SYCE1L: variants seen among roughly 807,000 people sequenced by gnomAD.
SYCE1L encodes the protein synaptonemal complex central element protein 1-like.
Under a neutral mutation model 39.6 loss-of-function variants are expected in SYCE1L, and 51 were observed. That is an observed-to-expected ratio of 1.29 (90% CI 1.03 to 1.63). SYCE1L has a LOEUF of 1.63. SYCE1L is among the 40% of genes most tolerant of loss of function. The probability of loss-of-function intolerance (pLI) is 0.00; values close to 1 mark genes in which losing one functional copy is unlikely to be tolerated. For synonymous variants in SYCE1L, 147 were observed against 122.4 expected, an observed-to-expected ratio of 1.20 and a Z score of -1.33; for missense variants, 426 against 304.9, an observed-to-expected ratio of 1.40 and a Z score of -2.96.
intron 1 of SYCE1L, among the ~76,000 whole-genome samples, chr16:77,203,509 C>A (rs182960341): frequency 1.6e-3 from 239 of 150,776 alleles, no homozygotes; most frequent in Admixed American, 3.0e-3. Flanking sequence ...CCCTGATTTA[C>A]AACATGGATT....
At position 77,206,424 on chromosome 16, in the gene SYCE1L, G is replaced by C. The variant is rs1376347518; in HGVS notation, c.62-17G>C. ...CACTCTCGCTGTGTCCTGTAATTTTGATTTTCCTTTCTACAGGGCAAGCCA... is the reference window on the plus strand; with the variant it reads ...CACTCTCGCTGTGTCCTGTAATTTTCATTTTCCTTTCTACAGGGCAAGCCA... On this transcript the variant is annotated splice_polypyrimidine_tract_variant and intron_variant, in intron 1 of 10. Coordinates refer to ENST00000378644, the MANE Select transcript of SYCE1L (RefSeq NM_001129979.3). 1.9e-6 allele frequency: 3 copies of C among 1,550,860 alleles called. No individual in the cohort carries two copies. In the East Asian group the frequency reaches 7.3e-5, roughly 38 times the overall value.
intron 6 of SYCE1L, 50 bp from the exon 7 acceptor site, chr16:77,211,163 G>A (rs907880501): frequency 3.2e-6 from 5 of 1,545,456 alleles, no homozygotes; most frequent in South Asian, 1.2e-5. Flanking sequence ...GCCCCCAACA[G>A]GGTGTCAGGC....
chr16:77,201,646 G>A (rs539265570), intron 1 of SYCE1L: 1 of 152,132 alleles, frequency 6.6e-6, no homozygotes, highest in Non-Finnish European at 1.5e-5. Context: ...ACCAGGAATG[G>A]TCACTGGAGT....
intron 1 of SYCE1L, chr16:77,200,291 T>TATATATATATATATGTATATATATAC: frequency 9.0e-6 from 1 of 111,438 alleles, no homozygotes; most frequent in Non-Finnish European, 1.9e-5. Flanking sequence ...TATATATATA[T>TATATATATATATATGTATATATATAC]ACACACACTA....
In SYCE1L at chr16:77,206,453, C is replaced by A; in HGVS notation, c.74C>A (p.Ser25Tyr). The change falls in exon 2 of 11, where the codon TCT becomes TAT. Residue 25 changes from serine (S) to tyrosine (Y), a missense_variant. Physicochemically the swap from Ser to Tyr is moderately radical, Grantham distance 144. Coordinates refer to ENST00000378644, the MANE Select transcript of SYCE1L (RefSeq NM_001129979.3). ...ATEEAEGQAK[S>Y]LKTEDLLAMV... ...TTCCTTTCTACAGGGCAAGCCAAGT[C>A]TTTGAAGACTGAAGACTTGCTGGCA... 1 of 1,551,668 alleles carries A rather than the reference C, an allele frequency of 6.4e-7. No individual in the cohort carries two copies. The highest frequency in any genetic ancestry group is 8.7e-7 in the Non-Finnish European group (1 of 1,146,990).
chr16:77,212,421 G>A (rs2054830989), intron 9 of SYCE1L, 52 bp downstream of exon 9: 2 of 1,530,586 alleles, frequency 1.3e-6, no homozygotes, highest in Non-Finnish European at 1.8e-6. Context: ...GGGCGGAGGG[G>A]AACCCGCCCA....
chr16:77,206,435 C>T lies in SYCE1L; in HGVS notation c.62-6C>T, dbSNP rs779692976. Reference sequence around the variant, plus strand: ...TGTCCTGTAATTTTGATTTTCCTTTCTACAGGGCAAGCCAAGTCTTTGAAG... The same window carrying T: ...TGTCCTGTAATTTTGATTTTCCTTTTTACAGGGCAAGCCAAGTCTTTGAAG... On this transcript the variant is annotated splice_polypyrimidine_tract_variant and splice_region_variant and intron_variant, in intron 1 of 10. Transcript: ENST00000378644. 2 of 1,551,450 alleles carry T rather than the reference C, an allele frequency of 1.3e-6. No homozygotes were observed. The highest frequency in any genetic ancestry group is 2.4e-5 in the South Asian group (2 of 84,030).
chr16:77,199,645 A>G, intron 1 of SYCE1L, 133 bp downstream of exon 1: 1 of 763,642 alleles, frequency 1.3e-6, no homozygotes, highest in South Asian at 2.0e-5. Flanking sequence ...TTTGTTATTG[A>G]AGAAAAACAA....
intron 2 of SYCE1L, among the ~76,000 whole-genome samples, chr16:77,207,735 C>G (rs752446859): frequency 5.9e-5 from 9 of 152,158 alleles, no homozygotes; most frequent in Non-Finnish European, 1.2e-4. Flanking sequence ...CTCACTAGAC[C>G]TGAGCCACAC....
chr16:77,206,903 G>A (rs1188408133), intron 2 of SYCE1L, among the ~76,000 whole-genome samples: 9 of 152,062 alleles, frequency 5.9e-5, no homozygotes, highest in Admixed American at 5.9e-4. Flanking sequence ...GCTTTTTGCG[G>A]GAAACCTGGG....
intron 10 of SYCE1L, 41 bp downstream of exon 10, chr16:77,212,687 G>A: frequency 1.3e-6 from 2 of 1,495,304 alleles, no homozygotes; most frequent in African/African-American, 2.8e-5. Flanking sequence ...GGCAGGGACC[G>A]AGTCAGGAGA....
At chr16:77,212,513 T>G in intron 9 of SYCE1L, 61 bp from the exon 10 acceptor site, 1 of 1,536,514 alleles carries the variant, frequency 6.5e-7, no homozygotes, top group Non-Finnish European at 8.7e-7. Context: ...CTCGGTGGCT[T>G]CCTCCTCGTC....
At chr16:77,208,644 C>A in intron 4 of SYCE1L, 105 bp downstream of exon 4, 2 of 1,144,632 alleles carry the variant, frequency 1.7e-6, no homozygotes, top group Non-Finnish European at 2.5e-6. Context: ...TCTTAGCTCA[C>A]ATAATCTGTA....
intron 1 of SYCE1L, among the ~76,000 whole-genome samples, chr16:77,202,719 G>C (rs1317791268): frequency 6.6e-6 from 1 of 152,176 alleles, no homozygotes; most frequent in Non-Finnish European, 1.5e-5. Flanking sequence ...AAGTAGTTGA[G>C]ACTCCTAATG....
At chr16:77,206,635 C>A in intron 2 of SYCE1L, 135 bp downstream of exon 2, 4 of 862,474 alleles carry the variant, frequency 4.6e-6, no homozygotes, top group Non-Finnish European at 7.1e-6. Flanking sequence ...CAGTTTAATT[C>A]TTTGAACCAA....
rs756106492 is a variant in SYCE1L at position 77,211,174 on chromosome 16, C to T, written c.360-39C>T. 6 of 1,551,026 alleles carry T rather than the reference C, an allele frequency of 3.9e-6. No individual in the cohort carries two copies. The African/African-American group carries it at 8.2e-5, about 21-fold the overall frequency. On this transcript the variant is annotated intron_variant, in intron 6 of 10. Coordinates refer to ENST00000378644, the MANE Select transcript of SYCE1L (RefSeq NM_001129979.3). ...AGGAGCCCCCAACAGGGTGTCAGGC[C>T]TAGCATGTGTTCTCTTATTCCTGGG...
chr16:77,200,137 C>G (rs1405534625), intron 1 of SYCE1L: 1 of 150,764 alleles, frequency 6.6e-6, no homozygotes, highest in Admixed American at 6.6e-5. Flanking sequence ...CGAGGCCAGC[C>G]TGACCAACAT....
chr16:77,207,201 G>T (rs1358851122), intron 2 of SYCE1L, among the ~76,000 whole-genome samples: 1 of 152,162 alleles, frequency 6.6e-6, no homozygotes, highest in Admixed American at 6.6e-5. Flanking sequence ...AATCAGCACC[G>T]TGGAGAGCAC....
chr16:77,201,005 A>G (rs1280589829), intron 1 of SYCE1L: 1 of 152,172 alleles, frequency 6.6e-6, no homozygotes, highest in African/African-American at 2.4e-5. Flanking sequence ...ATTAGACTGC[A>G]TCCTGCCAGA....
Sources: allele counts gnomAD v4.1 joint callset (sites outside exome capture counted in the v4.1 genomes callset), GRCh38; gene constraint gnomAD v4.1.1; transcripts MANE v1.5; gene names NCBI Gene and HGNC (gene_info 2026-07-23, HGNC 2026-07-21).